The following SNTB1 variants were observed in gnomAD, a reference collection of about 807,000 sequenced individuals.
SNTB1 encodes the protein beta-1-syntrophin.
SNTB1 carries 36 observed loss-of-function variants against 48.9 expected under a neutral mutation model. The ratio of observed to expected loss-of-function variants is 0.74; its 90% CI spans 0.56 to 0.97. SNTB1 has a LOEUF of 0.97. Among genes scored for constraint, SNTB1 ranks in the 50% least tolerant of loss-of-function variants. The probability of loss-of-function intolerance (pLI) is 0.00; values close to 1 mark genes in which losing one functional copy is unlikely to be tolerated. For synonymous variants in SNTB1, 299 were observed against 294.6 expected, an observed-to-expected ratio of 1.01 and a Z score of -0.15; for missense variants, 786 against 703.4, an observed-to-expected ratio of 1.12 and a Z score of -1.33.
At chr8:120,576,694 C>T (rs1016900130) in intron 3 of SNTB1, among the ~76,000 whole-genome samples, 12 of 152,124 alleles carry the variant, frequency 7.9e-5, no homozygotes, top group African/African-American at 2.9e-4. Context: ...TTTGTGTTAC[C>T]CAGTTTACTA....
At chr8:120,691,366 A>G (rs574243477) in intron 2 of SNTB1, among the ~76,000 whole-genome samples, 4 of 152,348 alleles carry the variant, frequency 2.6e-5, no homozygotes, top group South Asian at 4.1e-4. Flanking sequence ...GCTAGACTAT[A>G]TAACAGCTAT....
intron 2 of SNTB1, among the ~76,000 whole-genome samples, chr8:120,654,081 T>C (rs1817458228): frequency 7.9e-6 from 1 of 127,208 alleles, no homozygotes. Flanking sequence ...AGTTGTCTTC[T>C]TGGCAATAAA....
intron 3 of SNTB1, among the ~76,000 whole-genome samples, chr8:120,596,436 C>T (rs760910984): frequency 1.3e-5 from 2 of 152,204 alleles, no homozygotes; most frequent in Non-Finnish European, 2.9e-5. Flanking sequence ...TCTATTGCTA[C>T]AAACCAATCA....
intron 1 of SNTB1, among the ~76,000 whole-genome samples, chr8:120,712,605 TC>T (rs1818483017): frequency 6.6e-6 from 1 of 152,162 alleles, no homozygotes; most frequent in African/African-American, 2.4e-5. Context: ...TTAGAAAAGC[TC>T]AGTGCAGACG....
At chr8:120,784,349 G>A (rs1186609318) in intron 1 of SNTB1, among the ~76,000 whole-genome samples, 2 of 151,982 alleles carry the variant, frequency 1.3e-5, no homozygotes, top group Non-Finnish European at 2.9e-5. Flanking sequence ...ATCCAAGGGA[G>A]TCTTGGAACC....
intron 1 of SNTB1, among the ~76,000 whole-genome samples, chr8:120,702,264 GA>G (rs1818320094): frequency 6.6e-6 from 1 of 152,200 alleles, no homozygotes; most frequent in Admixed American, 6.5e-5. Context: ...GCATTGCTCA[GA>G]AAGTGACATG....
At chr8:120,644,716 T>C (rs1312493380) in intron 2 of SNTB1, among the ~76,000 whole-genome samples, 1 of 151,272 alleles carries the variant, frequency 6.6e-6, no homozygotes. Context: ...TTTCCAGTTC[T>C]AGATCCCTGA....
At chr8:120,739,015 T>C (rs189867632) in intron 1 of SNTB1, among the ~76,000 whole-genome samples, 1 of 152,246 alleles carries the variant, frequency 6.6e-6, no homozygotes, top group African/African-American at 2.4e-5. Context: ...TGTTTGACAG[T>C]TGAAGTGGGT....
At chr8:120,671,287 C>T (rs1324071912) in intron 2 of SNTB1, among the ~76,000 whole-genome samples, 1 of 152,164 alleles carries the variant, frequency 6.6e-6, no homozygotes, top group African/African-American at 2.4e-5. Context: ...CTACCCAGAA[C>T]CTCAGAATGC....
intron 1 of SNTB1, among the ~76,000 whole-genome samples, chr8:120,730,014 C>T (rs4871105): frequency 0.072 from 10,889 of 152,256 alleles, 538 homozygotes; most frequent in East Asian, 0.18. Flanking sequence ...AACAGGTGCA[C>T]TGATAATTCT....
intron 1 of SNTB1, among the ~76,000 whole-genome samples, chr8:120,703,820 T>A (rs763583812): frequency 6.6e-6 from 1 of 152,184 alleles, no homozygotes; most frequent in Non-Finnish European, 1.5e-5. Context: ...TAACAACAAC[T>A]AGCAATTATT....
chr8:120,567,042 A>C (rs543642734), intron 4 of SNTB1, among the ~76,000 whole-genome samples: 1 of 152,356 alleles, frequency 6.6e-6, no homozygotes, highest in South Asian at 2.1e-4. Context: ...CAAAAGGTAG[A>C]AACAGAATCT....
rs1279076797 is a variant in SNTB1 at position 120,542,276 on chromosome 8, A to T, written c.1334-276T>A. On this transcript the variant is annotated intron_variant, in intron 5 of 6. Transcript: ENST00000517992. ...TCTGGGTTCTAGTCCTTATCCAGCCATCTAACAACACACAGCTCTATAGGT... is the reference window on the plus strand; with the variant it reads ...TCTGGGTTCTAGTCCTTATCCAGCCTTCTAACAACACACAGCTCTATAGGT... The T allele has an allele frequency of 9.2e-6, 3 of 325,318 alleles. No homozygotes were observed. In the South Asian group the frequency reaches 1.6e-4, roughly 17 times the overall value. 20.2% of individuals were successfully genotyped at this position (325,318 alleles called of 1,614,324 possible).
chr8:120,672,261 C>T (rs1817770806), intron 2 of SNTB1, among the ~76,000 whole-genome samples: 1 of 152,028 alleles, frequency 6.6e-6, no homozygotes, highest in Admixed American at 6.6e-5. Context: ...GGATGTAACC[C>T]CATGTAAGTT....
chr8:120,649,104 T>G (rs1215815043), intron 2 of SNTB1, among the ~76,000 whole-genome samples: 1 of 149,520 alleles, frequency 6.7e-6, no homozygotes, highest in African/African-American at 2.5e-5. Flanking sequence ...TCTTTGCCTT[T>G]GGTTTGAATG....
intron 1 of SNTB1, among the ~76,000 whole-genome samples, chr8:120,742,382 A>T (rs1251831076): frequency 6.6e-6 from 1 of 152,226 alleles, no homozygotes; most frequent in Non-Finnish European, 1.5e-5. Context: ...GGGATAAGTT[A>T]CTGAGGCAGG....
Position 120,603,646 on chromosome 8 carries a change from C to T in SNTB1, c.997-28421G>A, listed in dbSNP as rs564876025. On this transcript the variant is annotated intron_variant, in intron 3 of 6. Transcript: ENST00000517992. ...GTCCTCCAGGCAATTCTGATGCATG[C>T]GAAAGTTGAAACAACACTGATCTGT... is the stretch of plus-strand genomic sequence containing the variant. Among the ~76,000 whole-genome samples the T allele has an allele frequency of 3.9e-5, 6 of 152,210 alleles. No homozygotes were observed. In the South Asian group the frequency reaches 8.3e-4, roughly 21 times the overall value.
At chr8:120,724,564 T>A (rs979674578) in intron 1 of SNTB1, among the ~76,000 whole-genome samples, 1 of 152,214 alleles carries the variant, frequency 6.6e-6, no homozygotes, top group Admixed American at 6.5e-5. Flanking sequence ...CACCAGATTT[T>A]AAAGATTCAG....
intron 1 of SNTB1, among the ~76,000 whole-genome samples, chr8:120,715,303 G>A (rs1367919584): frequency 6.6e-6 from 1 of 152,168 alleles, no homozygotes; most frequent in Non-Finnish European, 1.5e-5. Context: ...AGGAAATTTG[G>A]TTCATTAGCC....
Sources: allele counts gnomAD v4.1 joint callset (sites outside exome capture counted in the v4.1 genomes callset), GRCh38; gene constraint gnomAD v4.1.1; transcripts MANE v1.5; gene names NCBI Gene and HGNC (gene_info 2026-07-23, HGNC 2026-07-21).